The following RNF216 variants were observed in gnomAD, a reference collection of about 807,000 sequenced individuals.
RNF216 encodes the protein E3 ubiquitin-protein ligase RNF216.
RNF216 carries 72 observed loss-of-function variants against 110.8 expected under a neutral mutation model. That is an observed-to-expected ratio of 0.65 (90% confidence interval 0.54 to 0.79). RNF216 has a LOEUF of 0.79. RNF216 is among the 30% of genes least tolerant of loss of function. The probability of loss-of-function intolerance (pLI) is 0.00; values close to 1 mark genes in which losing one functional copy is unlikely to be tolerated. For synonymous variants in RNF216, 495 were observed against 407.5 expected (o/e 1.21, Z -2.59); for missense variants, 1,342 against 1,141.2 (o/e 1.18, Z -2.54).
At chr7:5,732,075 A>G (rs1794125870) in intron 5 of RNF216, among the ~76,000 whole-genome samples, 1 of 152,200 alleles carries the variant, frequency 6.6e-6, no homozygotes, top group Admixed American at 6.5e-5. Context: ...TCCACGGAAC[A>G]CAACGCCTGA....
intron 10 of RNF216, among the ~76,000 whole-genome samples, chr7:5,715,505 T>A (rs1428605688): frequency 6.6e-6 from 1 of 152,078 alleles, no homozygotes; most frequent in East Asian, 1.9e-4. Flanking sequence ...TGTACTCAGA[T>A]GCTAATGTGA....
chr7:5,644,379 G>C (rs1787923790), intron 14 of RNF216, among the ~76,000 whole-genome samples: 1 of 152,134 alleles, frequency 6.6e-6, no homozygotes, highest in Non-Finnish European at 1.5e-5. Context: ...CATCCTAATA[G>C]GTGTGAAGCG....
intron 9 of RNF216, among the ~76,000 whole-genome samples, chr7:5,718,229 A>G (rs1345574017): frequency 1.3e-5 from 2 of 151,650 alleles, no homozygotes; most frequent in Non-Finnish European, 2.9e-5. Flanking sequence ...AAAAATACAA[A>G]AATTAGCCAG....
At chr7:5,673,115 C>T (rs983153019) in intron 13 of RNF216, among the ~76,000 whole-genome samples, 1 of 152,130 alleles carries the variant, frequency 6.6e-6, no homozygotes, top group East Asian at 1.9e-4. Context: ...TCTGGACCTC[C>T]GGAGACCAAT....
At chr7:5,672,181 A>C (rs1162901640) in intron 13 of RNF216, among the ~76,000 whole-genome samples, 2 of 152,206 alleles carry the variant, frequency 1.3e-5, no homozygotes, top group East Asian at 3.8e-4. Context: ...AGACAGATGG[A>C]AAGCAGGCTG....
intron 2 of RNF216, among the ~76,000 whole-genome samples, chr7:5,757,071 G>T (rs921868948): frequency 3.3e-5 from 5 of 152,076 alleles, no homozygotes; most frequent in African/African-American, 7.2e-5. Flanking sequence ...TTTTCATTGT[G>T]ATTTCTTCTC....
At chr7:5,750,725 C>T (rs1215537655) in intron 3 of RNF216, among the ~76,000 whole-genome samples, 1 of 152,184 alleles carries the variant, frequency 6.6e-6, no homozygotes, top group African/African-American at 2.4e-5. Flanking sequence ...AGCAAGACTC[C>T]CCCTCATAAA....
intron 13 of RNF216, among the ~76,000 whole-genome samples, chr7:5,669,492 G>A (rs1789757124): frequency 6.6e-6 from 1 of 152,190 alleles, no homozygotes; most frequent in Non-Finnish European, 1.5e-5. Context: ...GACAGATTTA[G>A]CAGTAAGAGA....
chr7:5,726,267 C>A (rs1236028119), intron 7 of RNF216, among the ~76,000 whole-genome samples: 3 of 152,080 alleles, frequency 2.0e-5, no homozygotes, highest in Non-Finnish European at 4.4e-5. Flanking sequence ...CACAGGAGAC[C>A]CTGTCTCAAA....
In RNF216 at chr7:5,623,028, G is replaced by C; in HGVS notation, c.2604C>G (p.Pro868=). Residue 868 remains proline (P), a synonymous_variant, in exon 17 of 17, where the codon CCC becomes CCG. Coordinates refer to ENST00000389902, the MANE Select transcript of RNF216 (RefSeq NM_207111.4). The part of the protein sequence containing the change: ...AFAHPPFPLP[P]VRPVFNNFPL... ...GGAAGTTGTTGAACACAGGCCGCACGGGAGGCAGGGGGAAGGGTGGGTGCG... is the reference window on the plus strand; with the variant it reads ...GGAAGTTGTTGAACACAGGCCGCACCGGAGGCAGGGGGAAGGGTGGGTGCG... The C allele has an allele frequency of 6.2e-7, 1 of 1,614,064 alleles. No homozygotes were observed. Among genetic ancestry groups the C allele is most frequent in the Non-Finnish European group, 8.5e-7 (1 of 1,179,988 alleles).
chr7:5,700,415 T>C (rs1438501857), intron 13 of RNF216, among the ~76,000 whole-genome samples: 2 of 152,196 alleles, frequency 1.3e-5, no homozygotes, highest in Admixed American at 6.5e-5. Flanking sequence ...TCTTGAGGGA[T>C]TTTTATTGTG....
chr7:5,682,462 C>T (rs1790721455), intron 13 of RNF216, among the ~76,000 whole-genome samples: 1 of 150,088 alleles, frequency 6.7e-6, no homozygotes, highest in Non-Finnish European at 1.5e-5. Flanking sequence ...GGCTGCAGTG[C>T]AGTGGCGCGG....
intron 2 of RNF216, among the ~76,000 whole-genome samples, chr7:5,755,100 GAGGAAAGGA>G (rs1181839835): frequency 9.2e-4 from 136 of 147,612 alleles, no homozygotes; most frequent in South Asian, 4.9e-3. Context: ...GAGAAGAGAG[GAGGAAAGGA>G]AGGAAAGGAA....
At chr7:5,772,382 A>G (rs117011717) in intron 1 of RNF216, among the ~76,000 whole-genome samples, 3,015 of 152,324 alleles carry the variant, frequency 0.02, 45 homozygotes, top group Non-Finnish European at 0.031. Context: ...ACTAGACAAG[A>G]AAGAATCTCC....
At position 5,621,335 on chromosome 7, in the gene RNF216, C is replaced by A. The variant is rs1010032645; in HGVS notation, c.*1525G>T. The A allele has an allele frequency of 6.6e-6, 1 of 152,146 alleles. No homozygotes were observed. The highest frequency in any genetic ancestry group is 6.5e-5 in the Admixed American group (1 of 15,268). 9.4% of individuals were successfully genotyped at this position (152,146 alleles called of 1,614,324 possible). A position where few individuals can be genotyped will look rare whatever the true frequency, so the allele number is the denominator to read the frequency against. On this transcript the variant is annotated 3_prime_UTR_variant, in exon 17 of 17. Transcript: ENST00000389902. ...GATTATAGGCATGCGCCACCTTGTC[C>A]GGCTAATTTTGTATTTTTAGTAGAG...
chr7:5,726,595 C>T (rs550290013), intron 7 of RNF216, among the ~76,000 whole-genome samples: 88 of 152,246 alleles, frequency 5.8e-4, no homozygotes, highest in South Asian at 1.5e-3. Context: ...CGGTGGCTCA[C>T]GCCTGTAATC....
chr7:5,644,465 C>T (rs1045823868), intron 14 of RNF216, among the ~76,000 whole-genome samples: 2 of 151,906 alleles, frequency 1.3e-5, no homozygotes, highest in African/African-American at 4.8e-5. Context: ...GCTTGTTGGT[C>T]ATTTGTACAT....
intron 3 of RNF216, among the ~76,000 whole-genome samples, chr7:5,747,542 G>A (rs1795090775): frequency 2.0e-5 from 3 of 151,994 alleles, no homozygotes; most frequent in Non-Finnish European, 4.4e-5. Context: ...CAAAATAGAT[G>A]CCCCTTTATA....
At chr7:5,732,498 T>C (rs2128645270) in intron 5 of RNF216, among the ~76,000 whole-genome samples, 1 of 152,358 alleles carries the variant, frequency 6.6e-6, no homozygotes. Context: ...ATTCATTTTA[T>C]ATTTGCAACA....
Sources: allele counts gnomAD v4.1 joint callset (sites outside exome capture counted in the v4.1 genomes callset), GRCh38; gene constraint gnomAD v4.1.1; transcripts MANE v1.5; gene names NCBI Gene and HGNC (gene_info 2026-07-23, HGNC 2026-07-21).